Variants in LARS1 observed in about 807,000 individuals in gnomAD.
LARS1 encodes the protein leucyl-tRNA synthetase 1.
LARS1 carries 100 observed loss-of-function variants against 162.8 expected under a neutral mutation model. The ratio of observed to expected loss-of-function variants is 0.61; its 90% CI spans 0.52 to 0.73. The LOEUF (loss-of-function observed/expected upper bound fraction) is 0.73. Ranked by LOEUF, LARS1 falls within the 30% of genes least tolerant of loss-of-function variation. LARS1 has a pLI of 0.00. For missense variants in LARS1, 1,258 were observed against 1,408.9 expected (o/e 0.89, Z 1.71); for synonymous variants, 457 against 462.8 (o/e 0.99, Z 0.16).
intron 5 of LARS1, among the ~76,000 whole-genome samples, chr5:146,166,318 C>A (rs13154547): frequency 0.22 from 34,227 of 152,150 alleles, 4,861 homozygotes; most frequent in Admixed American, 0.34. Context: ...CCAATGGCCA[C>A]AGCTAGAACA....
In LARS1 at chr5:146,133,027, A is replaced by T; in HGVS notation, c.2267T>A (p.Val756Glu). Residue 756 changes from valine to glutamate, a missense_variant, in exon 23 of 32, where the codon GTG becomes GAG. By Grantham distance (121) the Val-to-Glu change is moderately radical (BLOSUM62 -2). Transcript: ENST00000394434. Reference protein sequence around the residue: ...AGDTVEDANFVEAMADAGILR... With the variant: ...AGDTVEDANFEEAMADAGILR... ...AATACCTGCATCTGCCATGGCTTCC[A>T]CAAAGTTGGCATCTTCTACAGTGTC... The T allele has an allele frequency of 6.2e-7, 1 of 1,614,150 alleles. No individual in the cohort carries two copies. The highest frequency in any genetic ancestry group is 2.2e-5 in the East Asian group (1 of 44,878).
chr5:146,153,728 A>G lies in LARS1; in HGVS notation c.1230+6T>C. On this transcript the variant is annotated splice_donor_region_variant and intron_variant, in intron 12 of 31. Coordinates refer to ENST00000394434, the MANE Select transcript of LARS1 (RefSeq NM_020117.11). ...CGAAATACAAACATGAAACTCAGAT[A>G]CTTACTTGCTTTTTCTTCAAGTCTC... 1.2e-6 allele frequency: 2 copies of G among 1,610,788 alleles called. No individual in the cohort carries two copies. The highest frequency in any genetic ancestry group is 1.7e-6 in the Non-Finnish European group (2 of 1,176,984).
chr5:146,170,743 C>T (rs1216529997), intron 4 of LARS1, among the ~76,000 whole-genome samples: 2 of 151,532 alleles, frequency 1.3e-5, no homozygotes, highest in African/African-American at 2.4e-5. Flanking sequence ...GCCTGTAATC[C>T]CAGCACTTTG....
chr5:146,155,678 G>A (rs1446261934), intron 10 of LARS1, among the ~76,000 whole-genome samples: 1 of 152,040 alleles, frequency 6.6e-6, no homozygotes, highest in East Asian at 1.9e-4. Context: ...GCAGTCATAT[G>A]GATGACAGCT....
At chr5:146,136,073 C>A (rs1036561078) in intron 21 of LARS1, among the ~76,000 whole-genome samples, 1 of 152,220 alleles carries the variant, frequency 6.6e-6, no homozygotes, top group African/African-American at 2.4e-5. Flanking sequence ...ATTTTAGGAA[C>A]CCTCCTATCA....
intron 8 of LARS1, among the ~76,000 whole-genome samples, chr5:146,159,140 T>G (rs1753662200): frequency 6.6e-6 from 1 of 151,978 alleles, no homozygotes; most frequent in Admixed American, 6.6e-5. Context: ...CCAGAACTTT[T>G]GATTCAGCAA....
intron 15 of LARS1, among the ~76,000 whole-genome samples, chr5:146,147,823 C>A (rs1470211788): frequency 6.6e-6 from 1 of 152,108 alleles, no homozygotes; most frequent in Non-Finnish European, 1.5e-5. Context: ...AAGGAGCCCA[C>A]CAAGCACCCA....
At chr5:146,124,624 A>G (rs1751969561) in intron 28 of LARS1, among the ~76,000 whole-genome samples, 1 of 151,952 alleles carries the variant, frequency 6.6e-6, no homozygotes, top group African/African-American at 2.4e-5. Flanking sequence ...GCATGTAAAA[A>G]ATAATTTCTT....
intron 1 of LARS1, among the ~76,000 whole-genome samples, chr5:146,181,928 ATTTG>A (rs1230348044): frequency 2.1e-5 from 2 of 96,844 alleles, no homozygotes; most frequent in African/African-American, 4.0e-5. Context: ...CCTCGGCTTT[ATTTG>A]TTTGTTTATT....
intron 13 of LARS1, among the ~76,000 whole-genome samples, chr5:146,152,827 T>TTATTATGGTTAA (rs1753354576): frequency 6.6e-6 from 1 of 152,216 alleles, no homozygotes; most frequent in Non-Finnish European, 1.5e-5. Flanking sequence ...TACAGGACTT[T>TTATTATGGTTAA]GTTAAAGTTA....
Position 146,157,410 on chromosome 5 carries a change from A to G in LARS1, c.1058T>C (p.Met353Thr). 6.2e-7 allele frequency: 1 copy of G among 1,613,702 alleles called. No homozygotes were observed. Among genetic ancestry groups the G allele is most frequent in the South Asian group, 1.1e-5 (1 of 90,892 alleles). The change falls in exon 10 of 32, where the codon ATG (methionine) becomes ACG (threonine). Residue 353 changes from methionine to threonine, a missense_variant. Coordinates refer to ENST00000394434, the MANE Select transcript of LARS1 (RefSeq NM_020117.11). Reference sequence around the variant, plus strand: ...ATCTGCTATCCAACTTACCTCCCCCATTAATTCCTTAACAACAGGCACCAC... The same window carrying G: ...ATCTGCTATCCAACTTACCTCCCCCGTTAATTCCTTAACAACAGGCACCAC... ...NGVVPVVKELMGEEILGASLS... is the reference protein window; with the variant it reads ...NGVVPVVKELTGEEILGASLS...
intron 20 of LARS1, 127 bp downstream of exon 20, chr5:146,142,745 A>G (rs1244794223): frequency 8.3e-6 from 6 of 720,412 alleles, no homozygotes; most frequent in Admixed American, 3.1e-5. Flanking sequence ...CATATTTAAG[A>G]TAAGAAAAAG....
chr5:146,171,276 G>C lies in LARS1; in HGVS notation c.294+634C>G, dbSNP rs537219829. Among the ~76,000 whole-genome samples the C allele has an allele frequency of 1.5e-4, 23 of 151,922 alleles. No individual in the cohort carries two copies. In the East Asian group the frequency reaches 4.3e-3, roughly 28 times the overall value. On this transcript the variant is annotated intron_variant, in intron 4 of 31. Coordinates refer to ENST00000394434, the MANE Select transcript of LARS1 (RefSeq NM_020117.11). ...GGAGGTTGAGGCAGGAGAATCGCTTGAACCCAGGAGAAGGAGGTTGCAGTT... is the reference window on the plus strand; with the variant it reads ...GGAGGTTGAGGCAGGAGAATCGCTTCAACCCAGGAGAAGGAGGTTGCAGTT...
chr5:146,181,863 T>C lies in LARS1; in HGVS notation c.6+625A>G, dbSNP rs1022747472. On this transcript the variant is annotated intron_variant, in intron 1 of 31. Transcript: ENST00000394434. ...TCAATTTTTTCTTTTTTTTTTTTTT[T>C]TTTTTTTTTTTTTTTTGCTGTAAGT... 1.7e-4 allele frequency among the ~76,000 whole-genome samples: 23 copies of C among 137,218 alleles called. 1 individual carries two copies. Among genetic ancestry groups the C allele is most frequent in the Admixed American group, 8.1e-4 (10 of 12,288 alleles). The allele number at this position is 137,218 out of a possible 152,430, so 90.0% of individuals were successfully genotyped here.
At chr5:146,146,524 G>A (rs1171966648) in intron 15 of LARS1, among the ~76,000 whole-genome samples, 1 of 55,540 alleles carries the variant, frequency 1.8e-5, no homozygotes, top group Non-Finnish European at 3.1e-5. Flanking sequence ...CCCTACCTAT[G>A]CCAGAACCAA....
Position 146,172,708 on chromosome 5 carries a change from C to T in LARS1, c.192G>A (p.Thr64=), listed in dbSNP as rs770773323. Residue 64 remains threonine (T), a synonymous_variant, in exon 3 of 32, where the codon ACG becomes ACA. Coordinates refer to ENST00000394434, the MANE Select transcript of LARS1 (RefSeq NM_020117.11). ...TTACCTCACATTTGGATAAAGAAAA[C>T]GTGTGTCCCAAATGAAGGCGTCCAT... ...YMNGRLHLGH[T]FSLSKCEFAV... 3.2e-6 allele frequency: 5 copies of T among 1,579,668 alleles called. No individual in the cohort carries two copies. Among genetic ancestry groups the T allele is most frequent in the Non-Finnish European group, 4.3e-6 (5 of 1,163,200 alleles).
chr5:146,128,857 A>G, intron 26 of LARS1, 75 bp from the exon 27 acceptor site: 1 of 1,424,464 alleles, frequency 7.0e-7, no homozygotes. Context: ...CTCCCCCAAC[A>G]TACACCACCA....
chr5:146,164,372 CT>C lies in LARS1; in HGVS notation c.531del (p.Glu178AsnfsTer15), dbSNP rs1360805650. On this transcript the variant is annotated frameshift_variant, in exon 6 of 32. Coordinates refer to ENST00000394434, the MANE Select transcript of LARS1 (RefSeq NM_020117.11). LOFTEE classifies it high-confidence loss of function. ...SDEEIVKFSE[A>X]EHWLDYFPPL... The stretch of plus-strand genomic sequence containing the variant: ...GGCGGGAAATAATCAAGCCAATGTT[CT>C]GCTTCAGAAAATTTTACTATCTCTT... The C allele has an allele frequency of 6.2e-7, 1 of 1,613,968 alleles. No individual in the cohort carries two copies. The highest frequency in any genetic ancestry group is 8.5e-7 in the Non-Finnish European group (1 of 1,179,980).
chr5:146,114,458 G>T, intron 31 of LARS1, 147 bp from the exon 32 acceptor site: 1 of 686,986 alleles, frequency 1.5e-6, no homozygotes, highest in Non-Finnish European at 2.4e-6. Flanking sequence ...GCCACGCTGG[G>T]TGCGGTGGCT....
Sources: allele counts gnomAD v4.1 joint callset (sites outside exome capture counted in the v4.1 genomes callset), GRCh38; gene constraint gnomAD v4.1.1; transcripts MANE v1.5; gene names NCBI Gene and HGNC (gene_info 2026-07-23, HGNC 2026-07-21).